CCSER1: variants seen among roughly 807,000 people sequenced by gnomAD.
The protein encoded by CCSER1 is serine-rich coiled-coil domain-containing protein 1.
Under a neutral mutation model 82.0 loss-of-function variants are expected in CCSER1, and 41 were observed. The observed-to-expected ratio is 0.50, with a 90% CI of 0.39 to 0.65. CCSER1 has a LOEUF of 0.65. CCSER1 is among the 30% of genes least tolerant of loss of function. CCSER1 has a pLI of 0.00. For synonymous variants in CCSER1, 414 were observed against 383.9 expected, an observed-to-expected ratio of 1.08 and a Z score of -0.92; for missense variants, 1,119 against 1,064.2, an observed-to-expected ratio of 1.05 and a Z score of -0.72.
At chr4:91,507,243 A>G (rs915804316) in intron 10 of CCSER1, among the ~76,000 whole-genome samples, 2 of 152,068 alleles carry the variant, frequency 1.3e-5, no homozygotes, top group African/African-American at 4.8e-5. Context: ...TAAAATCCCA[A>G]CAGCAACATA....
At chr4:91,231,470 T>G (rs1738620896) in intron 10 of CCSER1, among the ~76,000 whole-genome samples, 1 of 151,774 alleles carries the variant, frequency 6.6e-6, no homozygotes. Flanking sequence ...GTGGGGGAAT[T>G]AACATGTTTG....
chr4:90,486,948 G>A (rs1010030580), intron 5 of CCSER1, among the ~76,000 whole-genome samples: 4 of 152,196 alleles, frequency 2.6e-5, no homozygotes, highest in African/African-American at 9.6e-5. Context: ...GTCTTGCTCT[G>A]TTGCCCAGGC....
intron 9 of CCSER1, among the ~76,000 whole-genome samples, chr4:90,932,529 G>A (rs922367922): frequency 6.6e-6 from 1 of 151,836 alleles, no homozygotes; most frequent in Non-Finnish European, 1.5e-5. Flanking sequence ...AGTTTTGGGG[G>A]TTATAAGAAA....
intron 10 of CCSER1, among the ~76,000 whole-genome samples, chr4:91,381,430 G>A (rs750947170): frequency 7.9e-5 from 12 of 152,136 alleles, no homozygotes; most frequent in Non-Finnish European, 1.3e-4. Flanking sequence ...ATATTTCTTC[G>A]AGGCTTTGTT....
intron 1 of CCSER1, among the ~76,000 whole-genome samples, chr4:90,230,227 C>A (rs6532224): frequency 2.1e-4 from 32 of 151,638 alleles, no homozygotes; most frequent in African/African-American, 7.0e-4. Context: ...GGAAGTAAAG[C>A]TCTCCTCAGC....
At chr4:90,137,130 A>G (rs547725029) in intron 1 of CCSER1, among the ~76,000 whole-genome samples, 2 of 152,220 alleles carry the variant, frequency 1.3e-5, no homozygotes, top group African/African-American at 4.8e-5. Flanking sequence ...GTACTCATTA[A>G]TAAATGAGCT....
intron 5 of CCSER1, among the ~76,000 whole-genome samples, chr4:90,479,346 T>G (rs1297381720): frequency 6.6e-6 from 1 of 151,498 alleles, no homozygotes; most frequent in Non-Finnish European, 1.5e-5. Flanking sequence ...CTACTTAGTG[T>G]CATTAGTGTC....
intron 10 of CCSER1, among the ~76,000 whole-genome samples, chr4:91,288,368 A>G (rs1445404361): frequency 2.0e-5 from 3 of 151,958 alleles, no homozygotes; most frequent in African/African-American, 7.2e-5. Flanking sequence ...ACATAAGTAA[A>G]GATAGATACT....
chr4:90,394,366 TCA>T (rs1193882978), intron 3 of CCSER1, among the ~76,000 whole-genome samples: 1 of 152,176 alleles, frequency 6.6e-6, no homozygotes, highest in Admixed American at 6.5e-5. Context: ...TAATAATTAC[TCA>T]GTTTAGTCTT....
chr4:91,306,653 A>G (rs1745090508), intron 10 of CCSER1, among the ~76,000 whole-genome samples: 1 of 152,026 alleles, frequency 6.6e-6, no homozygotes, highest in South Asian at 2.1e-4. Flanking sequence ...GAAAGAAAAA[A>G]ATCAAGATGA....
intron 8 of CCSER1, among the ~76,000 whole-genome samples, chr4:90,860,670 C>G (rs1426903448): frequency 6.6e-6 from 1 of 151,586 alleles, no homozygotes; most frequent in African/African-American, 2.4e-5. Context: ...ATGGTATATT[C>G]ATACGGTAAA....
At chr4:91,351,795 C>A (rs186983901) in intron 10 of CCSER1, among the ~76,000 whole-genome samples, 311 of 151,772 alleles carry the variant, frequency 2.0e-3, no homozygotes, top group Non-Finnish European at 3.4e-3. Context: ...TGTCTTCTAC[C>A]ATTTCAATTT....
intron 6 of CCSER1, among the ~76,000 whole-genome samples, chr4:90,633,626 A>G (rs769719979): frequency 2.0e-5 from 3 of 151,990 alleles, no homozygotes; most frequent in Non-Finnish European, 2.9e-5. Flanking sequence ...CATCATTGCA[A>G]TTTCAGAGGA....
intron 10 of CCSER1, among the ~76,000 whole-genome samples, chr4:91,492,821 G>A (rs1758617438): frequency 6.6e-6 from 1 of 151,980 alleles, no homozygotes; most frequent in Non-Finnish European, 1.5e-5. Context: ...TTATTTTATA[G>A]GATCATTCCA....
At chr4:90,405,028 C>T (rs1042774995) in intron 4 of CCSER1, among the ~76,000 whole-genome samples, 2 of 151,566 alleles carry the variant, frequency 1.3e-5, no homozygotes, top group African/African-American at 2.4e-5. Context: ...TCTGAATTGC[C>T]GTAAAAAGAA....
Position 90,644,866 on chromosome 4 carries a change from G to C in CCSER1, c.1932+16634G>C, listed in dbSNP as rs369720561. Among the ~76,000 whole-genome samples the C allele has an allele frequency of 1.2e-4, 18 of 151,938 alleles. No individual in the cohort carries two copies. In the South Asian group the frequency reaches 2.7e-3, roughly 23 times the overall value. On this transcript the variant is annotated intron_variant, in intron 6 of 10. Transcript: ENST00000509176. ...GGAGGCCGAGGCAGGCAGATCACCT[G>C]TGGTCAGGAGTTCAAGACCAGCCTG...
At chr4:91,158,452 CCT>C (rs2148969768) in intron 10 of CCSER1, among the ~76,000 whole-genome samples, 1 of 151,970 alleles carries the variant, frequency 6.6e-6, no homozygotes, top group South Asian at 2.1e-4. Context: ...AAATGTTTTC[CCT>C]CTTTTGTCAT....
chr4:90,287,958 GAAC>G (rs1476964000), intron 1 of CCSER1, among the ~76,000 whole-genome samples: 2 of 149,622 alleles, frequency 1.3e-5, no homozygotes, highest in South Asian at 4.2e-4. Flanking sequence ...AAAACCAACT[GAAC>G]AACAACAAAA....
chr4:91,430,448 A>G (rs1234941991), intron 10 of CCSER1, among the ~76,000 whole-genome samples: 2 of 152,328 alleles, frequency 1.3e-5, no homozygotes, highest in African/African-American at 2.4e-5. Flanking sequence ...TAAACTATTG[A>G]TTATTTTGCT....
Sources: gnomAD v4.1 joint callset for allele counts (sites outside exome capture counted in the v4.1 genomes callset) on GRCh38, gnomAD v4.1.1 for gene constraint, MANE v1.5 for transcripts, NCBI Gene and HGNC (gene_info 2026-07-23, HGNC 2026-07-21) for gene names.